The following TM9SF4 variants were observed in gnomAD, a reference collection of about 807,000 sequenced individuals.
The protein encoded by TM9SF4 is transmembrane 9 superfamily member 4.
A neutral mutation model predicts 90.4 loss-of-function variants in TM9SF4; 26 were observed. The observed-to-expected ratio is 0.29, with a 90% CI of 0.21 to 0.40. The LOEUF (loss-of-function observed/expected upper bound fraction) is 0.40. Ranked by LOEUF, TM9SF4 falls within the 10% of genes least tolerant of loss-of-function variation. The pLI is 1.00. For missense variants in TM9SF4, 549 were observed against 834.8 expected, an observed-to-expected ratio of 0.66 and a Z score of 4.22; for synonymous variants, 293 against 315.4, an observed-to-expected ratio of 0.93 and a Z score of 0.75.
chr20:32,142,060 G>T (rs1318630570), intron 5 of TM9SF4, among the ~76,000 whole-genome samples, 165 bp downstream of exon 5: 1 of 152,094 alleles, frequency 6.6e-6, no homozygotes, highest in African/African-American at 2.4e-5. Context: ...TCCCTGGGAG[G>T]TGCTACAGGG....
chr20:32,155,808 A>AC (rs1235515464), intron 13 of TM9SF4, among the ~76,000 whole-genome samples: 1 of 152,162 alleles, frequency 6.6e-6, no homozygotes, highest in African/African-American at 2.4e-5. Context: ...TCTGCCCTCC[A>AC]CCTGGGGGTG....
intron 3 of TM9SF4, 36 bp downstream of exon 3, chr20:32,136,209 C>G: frequency 6.3e-7 from 1 of 1,583,192 alleles, no homozygotes; most frequent in Non-Finnish European, 8.7e-7. Context: ...CAACTTGTCC[C>G]CAGGGGGAAC....
In TM9SF4 at chr20:32,160,086, T is replaced by C; in HGVS notation, c.1664T>C (p.Met555Thr). The change falls in exon 16 of 18, where the codon ATG becomes ACG. Residue 555 changes from methionine (M) to threonine (T), a missense_variant. Around this residue, in one of 2 missense-constraint regions of TM9SF4, gnomAD observed 54 missense variants for 123.1 expected, o/e 0.44. Transcript: ENST00000398022. The part of the protein sequence containing the change: ...VVSCSQISIV[M>T]VYFQLCAEDY... ...TCCTGTTCACAAATCAGCATCGTCA[T>C]GGTGTACTTCCAGCTGTGTGCAGAG... is the stretch of plus-strand genomic sequence containing the variant. 4 of 1,614,126 alleles carry C rather than the reference T, an allele frequency of 2.5e-6. No individual in the cohort carries two copies. The highest frequency in any genetic ancestry group is 3.4e-6 in the Non-Finnish European group (4 of 1,179,996).
rs2046544740 is a variant in TM9SF4, at chr20:32,133,140, T to C, written c.129+14T>C. On this transcript the variant is annotated intron_variant, in intron 2 of 17. Coordinates refer to ENST00000398022, the MANE Select transcript of TM9SF4 (RefSeq NM_014742.4). ...GTAGAAATCAAGGTAAGTGTGTTCC[T>C]GGATTTTTGGAGCCTCTGTGCTAGG... The C allele has an allele frequency of 6.2e-7, 1 of 1,612,674 alleles. No individual in the cohort carries two copies. The highest frequency in any genetic ancestry group is 1.3e-5 in the African/African-American group (1 of 75,030).
chr20:32,151,568 G>A (rs548162697), intron 12 of TM9SF4, among the ~76,000 whole-genome samples: 36 of 152,328 alleles, frequency 2.4e-4, no homozygotes, highest in Non-Finnish European at 3.8e-4. Context: ...GGCTGTATCA[G>A]TTCTGGCTGC....
rs1406563241 is a variant in TM9SF4, at chr20:32,136,086, A to C, written c.142A>C (p.Thr48Pro). ...GGATTCCCATCAGGCTGTGAAGCTC[A>C]CCAGCTCTCGAACCCAGCTACCTTA... ...DPVEIKAVKL[T>P]SSRTQLPYEY... Residue 48 changes from threonine (T) to proline (P), a missense_variant, in exon 3 of 18, where the codon ACC (threonine) becomes CCC (proline). By Grantham distance (38) the Thr-to-Pro change is conservative. This residue lies in a region of TM9SF4 where 495 missense variants were observed against 711.7 expected (regional missense o/e 0.70). Transcript: ENST00000398022. 6.2e-7 allele frequency: 1 copy of C among 1,614,042 alleles called. No individual in the cohort carries two copies. Among genetic ancestry groups the C allele is most frequent in the Non-Finnish European group, 8.5e-7 (1 of 1,180,014 alleles).
chr20:32,127,898 C>T (rs1305134524), intron 1 of TM9SF4, among the ~76,000 whole-genome samples: 2 of 152,198 alleles, frequency 1.3e-5, no homozygotes, highest in Admixed American at 1.3e-4. Context: ...AATCACCTAT[C>T]AGATGAGACA....
rs529820463 is a variant in TM9SF4, at chr20:32,160,899, G to A, written c.1690-377G>A. Among the ~76,000 whole-genome samples, 6 of 123,694 alleles carry A rather than the reference G, an allele frequency of 4.9e-5. No individual in the cohort carries two copies. The South Asian group carries it at 8.2e-4, about 17-fold the overall frequency. 81.1% of individuals were successfully genotyped at this position (123,694 alleles called of 152,430 possible). On this transcript the variant is annotated intron_variant, in intron 16 of 17. Coordinates refer to ENST00000398022, the MANE Select transcript of TM9SF4 (RefSeq NM_014742.4). ...CAGGAGGCGGAGGTTGCAGTGAGCC[G>A]AGATCGCACCACTGCACTCCATCCT...
chr20:32,118,521 G>A (rs746806015), intron 1 of TM9SF4, among the ~76,000 whole-genome samples: 7 of 151,896 alleles, frequency 4.6e-5, no homozygotes, highest in Admixed American at 1.3e-4. Flanking sequence ...TGCAGCCGTC[G>A]GACTCCTGGG....
intron 8 of TM9SF4, among the ~76,000 whole-genome samples, chr20:32,146,120 G>A (rs2046758858): frequency 6.6e-6 from 1 of 152,198 alleles, no homozygotes; most frequent in East Asian, 1.9e-4. Flanking sequence ...CAAAGGGCCA[G>A]CTGCTGAACT....
chr20:32,161,806 C>G (rs1038909062), intron 17 of TM9SF4, among the ~76,000 whole-genome samples: 1 of 152,024 alleles, frequency 6.6e-6, no homozygotes, highest in African/African-American at 2.4e-5. Context: ...ATAGTAGAAC[C>G]CAAATTTAGG....
intron 1 of TM9SF4, chr20:32,110,044 G>A: frequency 7.3e-7 from 1 of 1,366,046 alleles, no homozygotes. Context: ...CCCACTGTGA[G>A]CCCCATTTTC....
chr20:32,140,227 C>G (rs1024335438), intron 3 of TM9SF4, among the ~76,000 whole-genome samples: 1 of 152,194 alleles, frequency 6.6e-6, no homozygotes, highest in Non-Finnish European at 1.5e-5. Flanking sequence ...TTGAACAGCT[C>G]AGAATGAAAG....
intron 17 of TM9SF4, 120 bp downstream of exon 17, chr20:32,161,485 C>T: frequency 3.7e-6 from 3 of 820,366 alleles, no homozygotes; most frequent in Non-Finnish European, 6.0e-6. Flanking sequence ...TGGGGAGGAC[C>T]AAAGCCACCT....
chr20:32,135,744 G>A (rs1017881572), intron 2 of TM9SF4, among the ~76,000 whole-genome samples: 3 of 152,164 alleles, frequency 2.0e-5, no homozygotes, highest in Non-Finnish European at 4.4e-5. Flanking sequence ...AGTGAACTTC[G>A]TTGCTCCTAA....
chr20:32,123,866 A>ATATATATATTTTTTTTTTTTTTTTT, intron 1 of TM9SF4, among the ~76,000 whole-genome samples: 1 of 93,962 alleles, frequency 1.1e-5, no homozygotes, highest in Non-Finnish European at 2.0e-5. Flanking sequence ...ATATATATAT[A>ATATATATATTTTTTTTTTTTTTTTT]TTTTTTTTTT....
At chr20:32,149,819 G>T in intron 10 of TM9SF4, 53 bp downstream of exon 10, 1 of 1,602,010 alleles carries the variant, frequency 6.2e-7, no homozygotes, top group Admixed American at 1.7e-5. Flanking sequence ...TCTTCCAGGT[G>T]CCTCAAGGAG....
At chr20:32,142,698 G>A (rs955381574) in intron 5 of TM9SF4, among the ~76,000 whole-genome samples, 6 of 152,164 alleles carry the variant, frequency 3.9e-5, no homozygotes, top group Admixed American at 2.6e-4. Context: ...TTCATGGGGC[G>A]GTGGGCACAG....
intron 14 of TM9SF4, 145 bp downstream of exon 14, chr20:32,158,114 C>G (rs2046957704): frequency 8.5e-7 from 1 of 1,174,260 alleles, no homozygotes; most frequent in East Asian, 2.6e-5. Context: ...ACTCCAAGAT[C>G]AAGGTGACCA....
Sources: allele counts gnomAD v4.1 joint callset (sites outside exome capture counted in the v4.1 genomes callset), GRCh38; gene constraint gnomAD v4.1.1; regional missense constraint gnomAD v4.1.1; transcripts MANE v1.5; gene names NCBI Gene and HGNC (gene_info 2026-07-23, HGNC 2026-07-21).